The following HECTD4 variants were observed in gnomAD, a reference collection of about 807,000 sequenced individuals.
The protein encoded by HECTD4 is probable E3 ubiquitin-protein ligase HECTD4.
HECTD4 carries 114 observed loss-of-function variants against 471.5 expected under a neutral mutation model. That is an observed-to-expected ratio of 0.24 (90% CI 0.21 to 0.28). The LOEUF (loss-of-function observed/expected upper bound fraction) is 0.28. Among genes scored for constraint, HECTD4 ranks in the 10% least tolerant of loss-of-function variants. The probability of loss-of-function intolerance (pLI) is 1.00; values close to 1 mark genes in which losing one functional copy is unlikely to be tolerated. For missense variants in HECTD4, 3,866 were observed against 5,651.5 expected (o/e 0.68, Z 10.13); for synonymous variants, 2,012 against 2,256.0 (o/e 0.89, Z 3.07).
intron 1 of HECTD4, among the ~76,000 whole-genome samples, chr12:112,358,202 C>CA (rs1318492596): frequency 1.3e-5 from 2 of 151,008 alleles, no homozygotes; most frequent in African/African-American, 4.9e-5. Context: ...GATTCTGTCT[C>CA]AAAAAAAATA....
At chr12:112,298,682 A>G (rs2035096280) in intron 7 of HECTD4, among the ~76,000 whole-genome samples, 2 of 152,010 alleles carry the variant, frequency 1.3e-5, no homozygotes, top group African/African-American at 4.8e-5. Flanking sequence ...CAGGAGATCA[A>G]GACCAGCCTG....
In HECTD4 at chr12:112,270,475, GA is replaced by G; in HGVS notation, c.1943-17del. On this transcript the variant is annotated splice_polypyrimidine_tract_variant and intron_variant, in intron 11 of 75. Transcript: ENST00000682272. Reference sequence around the variant, plus strand: ...ATAGCCTCTTCTAGAAGATGAAAAGGAAACTGAGTGAGGAAAGACATCTCTA... The same window carrying G: ...ATAGCCTCTTCTAGAAGATGAAAAGGAACTGAGTGAGGAAAGACATCTCTA... 1 of 1,600,932 alleles carries G rather than the reference GA, an allele frequency of 6.2e-7. No homozygotes were observed. The highest frequency in any genetic ancestry group is 8.6e-7 in the Non-Finnish European group (1 of 1,168,108).
chr12:112,229,800 G>A lies in HECTD4; in HGVS notation c.6417C>T (p.Gly2139=). The A allele has an allele frequency of 6.2e-7, 1 of 1,614,016 alleles. No homozygotes were observed. The highest frequency in any genetic ancestry group is 8.5e-7 in the Non-Finnish European group (1 of 1,179,880). The part of the protein sequence containing the change: ...ESILENGSSS[G]RKLAKLQRIA... The stretch of plus-strand genomic sequence containing the variant: ...TTCTCTGAAGTTTGGCAAGTTTCCT[G>A]CCACTGCTGCTGCCATTTTCCAGAA... The change falls in exon 41 of 76, where the codon GGC becomes GGT. Residue 2139 remains glycine, a synonymous_variant. Transcript: ENST00000682272.
Position 112,192,657 on chromosome 12 carries a change from C to A in HECTD4, c.9195G>T (p.Arg3065=). 1 of 1,607,290 alleles carries A rather than the reference C, an allele frequency of 6.2e-7. No homozygotes were observed. Among genetic ancestry groups the A allele is most frequent in the Non-Finnish European group, 8.5e-7 (1 of 1,177,318 alleles). The stretch of plus-strand genomic sequence containing the variant: ...GCCCAGTGTTGGCTGGGGACGCGTC[C>A]CGCGGGTAACAGGCGGCCTCGATGA... The part of the protein sequence containing the change: ...LNLIEAACYP[R]DASPANTGLA... The change falls in exon 59 of 76, where the codon CGG becomes CGT. Residue 3065 remains arginine (R), a synonymous_variant. Transcript: ENST00000682272.
chr12:112,354,324 T>A (rs554761309), intron 1 of HECTD4, among the ~76,000 whole-genome samples: 2 of 152,218 alleles, frequency 1.3e-5, no homozygotes, highest in South Asian at 4.1e-4. Context: ...GCTCCCAAAG[T>A]GCTGGGATTA....
In HECTD4 at chr12:112,252,380, G is replaced by T. The variant is rs528252408; in HGVS notation, c.3552+44C>A. 2.6e-6 allele frequency: 4 copies of T among 1,540,330 alleles called. No individual in the cohort carries two copies. In the South Asian group the frequency reaches 3.8e-5, roughly 15 times the overall value. ...ATGCTGTATGTAATCAAGGCACATA[G>T]CAGATAGTACATTTTGTCCACGGCA... On this transcript the variant is annotated intron_variant, in intron 23 of 75. Coordinates refer to ENST00000682272, the MANE Select transcript of HECTD4 (RefSeq NM_001388303.1).
intron 1 of HECTD4, among the ~76,000 whole-genome samples, chr12:112,342,612 G>A (rs922665099): frequency 4.0e-5 from 6 of 151,822 alleles, no homozygotes; most frequent in African/African-American, 7.3e-5. Flanking sequence ...TTTTACTATC[G>A]CATCTGAGTT....
intron 7 of HECTD4, among the ~76,000 whole-genome samples, chr12:112,293,296 C>T (rs1465910993): frequency 3.5e-5 from 5 of 143,460 alleles, no homozygotes; most frequent in South Asian, 2.2e-4. Context: ...ACATGGGAGG[C>T]GGAGGTTGCG....
rs1413131320 is a variant in HECTD4 at position 112,194,660 on chromosome 12, T to C, written c.8749+225A>G. Among the ~76,000 whole-genome samples, 1 of 152,260 alleles carries C rather than the reference T, an allele frequency of 6.6e-6. No individual in the cohort carries two copies. The highest frequency in any genetic ancestry group is 1.5e-5 in the Non-Finnish European group (1 of 68,050). ...TTGATCCACAATTACGTTGGGAAAC[T>C]TGATGAATGCTTAACAGAGTAATGA... On this transcript the variant is annotated intron_variant, in intron 56 of 75. Coordinates refer to ENST00000682272, the MANE Select transcript of HECTD4 (RefSeq NM_001388303.1). The surrounding 1 kb of genome is among the most constrained non-coding windows in gnomAD (Gnocchi z 4.6).
At chr12:112,338,131 C>T (rs765563447) in intron 1 of HECTD4, among the ~76,000 whole-genome samples, 36 of 152,136 alleles carry the variant, frequency 2.4e-4, no homozygotes, top group Non-Finnish European at 3.1e-4. Flanking sequence ...AGTAAAGAAT[C>T]GGTTTCTTGC....
At chr12:112,274,132 A>G (rs987456225) in intron 10 of HECTD4, among the ~76,000 whole-genome samples, 4 of 152,248 alleles carry the variant, frequency 2.6e-5, no homozygotes, top group African/African-American at 7.2e-5. Context: ...ATTAATGCAA[A>G]ATAAAAAGCC....
At chr12:112,336,026 C>G (rs1019364442) in intron 1 of HECTD4, among the ~76,000 whole-genome samples, 2 of 151,118 alleles carry the variant, frequency 1.3e-5, no homozygotes, top group African/African-American at 4.9e-5. Flanking sequence ...AAAAAAAAAT[C>G]AAACCTGAGT....
chr12:112,222,339 G>T (rs1429440452), intron 44 of HECTD4, among the ~76,000 whole-genome samples: 1 of 152,162 alleles, frequency 6.6e-6, no homozygotes, highest in Admixed American at 6.6e-5. Flanking sequence ...TTACAGGCGT[G>T]AGCCACAGCA....
In HECTD4 at chr12:112,243,587, C is replaced by G; in HGVS notation, c.4791+33G>C. ...GCAAGACCCCGCATGCTGTTAGGTG[C>G]TATTCATCTGGAGCCCGCAAAATGT... On this transcript the variant is annotated intron_variant, in intron 31 of 75. Transcript: ENST00000682272. This position sits in a 1 kb window ranked among gnomAD's most constrained non-coding sequence, Gnocchi z 6.6. The G allele has an allele frequency of 6.2e-7, 1 of 1,604,368 alleles. No homozygotes were observed. The highest frequency in any genetic ancestry group is 2.2e-5 in the East Asian group (1 of 44,532).
chr12:112,163,189 A>G lies in HECTD4; in HGVS notation c.12973T>C (p.Phe4325Leu). The change falls in exon 75 of 76, where the codon TTC (phenylalanine) becomes CTC (leucine). Residue 4325 changes from phenylalanine (F) to leucine (L), a missense_variant. Coordinates refer to ENST00000682272, the MANE Select transcript of HECTD4 (RefSeq NM_001388303.1). The surrounding 1 kb of genome is among the most constrained non-coding windows in gnomAD (Gnocchi z 8.2). Reference sequence around the variant, plus strand: ...AACTTGCACAGCTCCTCCTGGGTGAACATCTCCAGGGCCCCCCAGAAGAAC... The same window carrying G: ...AACTTGCACAGCTCCTCCTGGGTGAGCATCTCCAGGGCCCCCCAGAAGAAC... ...IEFFWGALEM[F>L]TQEELCKFIK... 3 of 1,613,922 alleles carry G rather than the reference A, an allele frequency of 1.9e-6. No individual in the cohort carries two copies. The highest frequency in any genetic ancestry group is 1.3e-5 in the African/African-American group (1 of 75,030).
At chr12:112,323,796 G>A (rs1205961495) in intron 1 of HECTD4, among the ~76,000 whole-genome samples, 3 of 151,676 alleles carry the variant, frequency 2.0e-5, no homozygotes, top group Admixed American at 2.0e-4. Flanking sequence ...TCCCAAAAAA[G>A]GCCAGTTTGA....
chr12:112,183,740 T>C (rs146196784), intron 61 of HECTD4, among the ~76,000 whole-genome samples: 1 of 152,184 alleles, frequency 6.6e-6, no homozygotes, highest in Non-Finnish European at 1.5e-5. Context: ...GCCTAAGGAA[T>C]ACATGGGATC....
chr12:112,336,797 G>A (rs1371200332), intron 1 of HECTD4, among the ~76,000 whole-genome samples: 1 of 152,086 alleles, frequency 6.6e-6, no homozygotes, highest in Non-Finnish European at 1.5e-5. Context: ...GATAATTGTC[G>A]AACTTGCTGA....
chr12:112,369,564 C>T (rs909508222), intron 1 of HECTD4, among the ~76,000 whole-genome samples: 1 of 151,946 alleles, frequency 6.6e-6, no homozygotes, highest in Non-Finnish European at 1.5e-5. Context: ...AGGCTGGACT[C>T]GAACTCCTGA....
Sources: gnomAD v4.1 joint callset for allele counts (sites outside exome capture counted in the v4.1 genomes callset) on GRCh38, gnomAD v4.1.1 for gene constraint, Gnocchi (gnomAD v3.1) non-coding constraint, MANE v1.5 for transcripts, NCBI Gene and HGNC (gene_info 2026-07-23, HGNC 2026-07-21) for gene names.